TRAPPC11: variants seen among roughly 807,000 people sequenced by gnomAD.
TRAPPC11 encodes the protein trafficking protein particle complex subunit 11.
In TRAPPC11, 104 loss-of-function variants were observed where a neutral mutation model predicts 151.2. That is an observed-to-expected ratio of 0.69 (90% CI 0.59 to 0.81). The LOEUF is 0.81. TRAPPC11 is among the 30% of genes least tolerant of loss of function. The probability of loss-of-function intolerance (pLI) is 0.00; values close to 1 mark genes in which losing one functional copy is unlikely to be tolerated. For synonymous variants in TRAPPC11, 456 were observed against 472.3 expected (o/e 0.97, Z 0.45); for missense variants, 1,230 against 1,349.6 (o/e 0.91, Z 1.39).
chr4:183,664,142 C>G, intron 2 of TRAPPC11, 71 bp downstream of exon 2: 1 of 1,388,920 alleles, frequency 7.2e-7, no homozygotes, highest in Non-Finnish European at 1.0e-6. Context: ...CTTTTTTGTT[C>G]TGTTGTGTGT....
At chr4:183,707,184 A>G (rs879473816) in intron 28 of TRAPPC11, among the ~76,000 whole-genome samples, 4 of 152,086 alleles carry the variant, frequency 2.6e-5, no homozygotes, top group Non-Finnish European at 5.9e-5. Flanking sequence ...TCCTTGGACT[A>G]TATTATAATA....
chr4:183,680,599 G>A (rs1170775519), intron 10 of TRAPPC11, among the ~76,000 whole-genome samples: 1 of 148,386 alleles, frequency 6.7e-6, no homozygotes, highest in East Asian at 2.1e-4. Flanking sequence ...TGCTGTAAAA[G>A]TTTGGAAATC....
chr4:183,662,354 CAAAA>C (rs202105209), intron 1 of TRAPPC11, among the ~76,000 whole-genome samples: 31 of 110,242 alleles, frequency 2.8e-4, no homozygotes, highest in East Asian at 8.7e-4. Flanking sequence ...TACTCCGTCT[CAAAA>C]AAAAAAAAAA....
At chr4:183,708,202 A>G (rs1737173554) in intron 28 of TRAPPC11, among the ~76,000 whole-genome samples, 1 of 152,102 alleles carries the variant, frequency 6.6e-6, no homozygotes, top group Admixed American at 6.6e-5. Flanking sequence ...TATTTTTTAC[A>G]CATTTCCTGT....
chr4:183,708,702 A>G (rs532693461), intron 29 of TRAPPC11, 128 bp downstream of exon 29: 4 of 750,580 alleles, frequency 5.3e-6, no homozygotes, highest in South Asian at 1.8e-5. Flanking sequence ...TATTATATGT[A>G]TTTGGCAGTA....
At chr4:183,696,691 AC>A (rs886977592) in intron 23 of TRAPPC11, among the ~76,000 whole-genome samples, 3 of 151,478 alleles carry the variant, frequency 2.0e-5, no homozygotes, top group African/African-American at 7.3e-5. Context: ...CACCATGCCC[AC>A]CCCCCCATTG....
At chr4:183,688,782 A>G (rs1041853345) in intron 18 of TRAPPC11, among the ~76,000 whole-genome samples, 5 of 152,014 alleles carry the variant, frequency 3.3e-5, no homozygotes, top group African/African-American at 7.2e-5. Flanking sequence ...GCTGCACTCT[A>G]TCTCCCAGGC....
At chr4:183,671,600 C>G (rs1044593547) in intron 5 of TRAPPC11, among the ~76,000 whole-genome samples, 3 of 152,196 alleles carry the variant, frequency 2.0e-5, no homozygotes, top group African/African-American at 7.2e-5. Flanking sequence ...ATTTTTGCCT[C>G]TTAGGTACTT....
chr4:183,661,561 C>T (rs578141067), intron 1 of TRAPPC11, among the ~76,000 whole-genome samples: 62 of 151,446 alleles, frequency 4.1e-4, no homozygotes, highest in Admixed American at 3.6e-3. Flanking sequence ...TTAGTAGAGA[C>T]GGGGTTTCAC....
chr4:183,669,578 T>G (rs1735047757), intron 5 of TRAPPC11, among the ~76,000 whole-genome samples: 2 of 152,200 alleles, frequency 1.3e-5, no homozygotes, highest in Non-Finnish European at 2.9e-5. Context: ...TGCTATACCC[T>G]GCTGTAATGA....
At chr4:183,688,666 A>G (rs542306034) in intron 18 of TRAPPC11, among the ~76,000 whole-genome samples, 1 of 152,344 alleles carries the variant, frequency 6.6e-6, no homozygotes, top group African/African-American at 2.4e-5. Flanking sequence ...AGTATGTTCT[A>G]TTCAACTTCA....
intron 27 of TRAPPC11, among the ~76,000 whole-genome samples, chr4:183,705,318 A>T (rs1489547528): frequency 6.6e-6 from 1 of 152,184 alleles, no homozygotes; most frequent in Non-Finnish European, 1.5e-5. Context: ...TGGCTATTTT[A>T]AAAAATATAA....
chr4:183,666,927 G>T (rs534647765), intron 3 of TRAPPC11, 133 bp from the exon 4 acceptor site: 43 of 623,816 alleles, frequency 6.9e-5, no homozygotes, highest in Non-Finnish European at 1.1e-4. Flanking sequence ...TGCAGGAAAA[G>T]ATTTCTTCTG....
At chr4:183,668,440 A>G (rs1178203771) in intron 5 of TRAPPC11, among the ~76,000 whole-genome samples, 2 of 152,198 alleles carry the variant, frequency 1.3e-5, no homozygotes, top group Admixed American at 1.3e-4. Context: ...ATACACAGTG[A>G]TCTTCCACTT....
chr4:183,683,842 C>A, intron 11 of TRAPPC11, 133 bp from the exon 12 acceptor site: 1 of 740,456 alleles, frequency 1.4e-6, no homozygotes, highest in Non-Finnish European at 2.3e-6. Flanking sequence ...AGCACCTTTA[C>A]GATTCTAGAA....
rs1215788500 is a variant in TRAPPC11 at position 183,674,693 on chromosome 4, T to C, written c.561-20T>C. ...AAATAATTCAATATGTAAATGCTTG[T>C]TTGTTTTTGTTTTTTACAGATTGGA... On this transcript the variant is annotated intron_variant, in intron 5 of 29. Transcript: ENST00000334690. 7.2e-7 allele frequency: 1 copy of C among 1,397,592 alleles called. No individual in the cohort carries two copies. The highest frequency in any genetic ancestry group is 1.5e-5 in the African/African-American group (1 of 67,144). The allele number at this position is 1,397,592 out of a possible 1,614,324, so 86.6% of individuals were successfully genotyped here. A position where few individuals can be genotyped will look rare whatever the true frequency, so the allele number is the denominator to read the frequency against.
chr4:183,661,403 G>A (rs928225475), intron 1 of TRAPPC11, among the ~76,000 whole-genome samples: 15 of 113,190 alleles, frequency 1.3e-4, no homozygotes, highest in South Asian at 2.8e-4. Flanking sequence ...GAGTCTCCTC[G>A]CTCTGTCGCC....
intron 3 of TRAPPC11, 87 bp downstream of exon 3, chr4:183,666,513 C>G (rs1734892823): frequency 1.5e-6 from 2 of 1,349,112 alleles, no homozygotes; most frequent in Non-Finnish European, 2.0e-6. Context: ...GAGTACCGTT[C>G]AGACTGCAGT....
chr4:183,664,604 G>C (rs1734745426), intron 2 of TRAPPC11, among the ~76,000 whole-genome samples: 1 of 151,980 alleles, frequency 6.6e-6, no homozygotes, highest in Non-Finnish European at 1.5e-5. Flanking sequence ...TGACTTTTAA[G>C]GTGAACGACA....
Sources: allele counts gnomAD v4.1 joint callset (sites outside exome capture counted in the v4.1 genomes callset), GRCh38; gene constraint gnomAD v4.1.1; transcripts MANE v1.5; gene names NCBI Gene and HGNC (gene_info 2026-07-23, HGNC 2026-07-21).